ACSS2: variants seen among roughly 807,000 people sequenced by gnomAD.
ACSS2 encodes the protein acetyl-coenzyme A synthetase, cytoplasmic.
In ACSS2, 58 loss-of-function variants were observed where a neutral mutation model predicts 90.6. The observed-to-expected ratio is 0.64, with a 90% CI of 0.52 to 0.80. The LOEUF is 0.80. ACSS2 is among the 30% of genes least tolerant of loss of function. ACSS2 has a pLI of 0.00. For synonymous variants in ACSS2, 300 were observed against 330.9 expected (o/e 0.91, Z 1.01); for missense variants, 759 against 912.0 (o/e 0.83, Z 2.16).
At position 34,919,697 on chromosome 20, in the gene ACSS2, G is replaced by A. The variant is rs1186774089; in HGVS notation, c.972+125G>A. ...TTTTTTCCTACAACCCTGAGTTTTG[G>A]AAATGTAGCATTGTCTTTTCTAAAT... On this transcript the variant is annotated intron_variant, in intron 8 of 17. Coordinates refer to ENST00000360596, the MANE Select transcript of ACSS2 (RefSeq NM_018677.4). The A allele has an allele frequency of 6.7e-6, 9 of 1,352,326 alleles. No homozygotes were observed. The South Asian group carries it at 7.1e-5, about 11-fold the overall frequency. 83.8% of individuals were successfully genotyped at this position (1,352,326 alleles called of 1,614,324 possible).
intron 2 of ACSS2, among the ~76,000 whole-genome samples, chr20:34,888,067 C>CAAAAAAAAAAAAAA (rs34578238): frequency 1.6e-5 from 1 of 62,516 alleles, no homozygotes; most frequent in Non-Finnish European, 2.8e-5. Flanking sequence ...AAGACTCCAT[C>CAAAAAAAAAAAAAA]AAAAAAAAAA....
intron 7 of ACSS2, among the ~76,000 whole-genome samples, 158 bp downstream of exon 7, chr20:34,914,595 G>A (rs2081040087): frequency 6.6e-6 from 1 of 152,196 alleles, no homozygotes; most frequent in Admixed American, 6.5e-5. Flanking sequence ...GTGGGAACTG[G>A]AAGACTTTGA....
chr20:34,911,028 C>T (rs368865673), intron 2 of ACSS2, among the ~76,000 whole-genome samples: 30 of 151,668 alleles, frequency 2.0e-4, no homozygotes, highest in Middle Eastern at 6.8e-3. Flanking sequence ...TGAGGTTTTG[C>T]TGTGTTGCTC....
chr20:34,898,983 C>G (rs554840940), intron 2 of ACSS2, among the ~76,000 whole-genome samples: 1 of 152,230 alleles, frequency 6.6e-6, no homozygotes, highest in Non-Finnish European at 1.5e-5. Flanking sequence ...AGAAATGGAG[C>G]GCAGTGCTGG....
intron 2 of ACSS2, among the ~76,000 whole-genome samples, chr20:34,897,747 T>C (rs2080500471): frequency 6.6e-6 from 1 of 152,030 alleles, no homozygotes; most frequent in African/African-American, 2.4e-5. Context: ...GAGAATTGCT[T>C]GAACCCAGGA....
chr20:34,886,206 CTTCTT>C (rs1300238364), intron 2 of ACSS2, among the ~76,000 whole-genome samples: 3 of 152,022 alleles, frequency 2.0e-5, no homozygotes, highest in Admixed American at 6.5e-5. Context: ...TTCCTTCTCT[CTTCTT>C]CTCAATATAA....
chr20:34,927,273 GC>G lies in ACSS2; in HGVS notation c.*64del, dbSNP rs139905753. The G allele has an allele frequency of 1.8e-3, 2,921 of 1,602,072 alleles. 44 individuals carry two copies. In the African/African-American group the frequency reaches 0.032, roughly 17 times the overall value. ...GCTCCAAACTTTGCCCATCCTCTTT[GC>G]CCCCTCAGGAGTGCTGAGGGCCAGT... On this transcript the variant is annotated 3_prime_UTR_variant, in exon 18 of 18. Coordinates refer to ENST00000360596, the MANE Select transcript of ACSS2 (RefSeq NM_018677.4). The surrounding 1 kb of genome is among the most constrained non-coding windows in gnomAD (Gnocchi z 4.2).
intron 1 of ACSS2, among the ~76,000 whole-genome samples, chr20:34,879,944 T>A (rs1215680765): frequency 6.6e-6 from 1 of 152,230 alleles, no homozygotes; most frequent in African/African-American, 2.4e-5. Context: ...GGATAATTAA[T>A]GTATACTTTG....
intron 2 of ACSS2, among the ~76,000 whole-genome samples, chr20:34,910,019 A>ATTT (rs11482260): frequency 8.7e-5 from 12 of 138,018 alleles, no homozygotes; most frequent in South Asian, 2.4e-4. Flanking sequence ...GCCTGGCCAA[A>ATTT]TTTTTTTTTT....
chr20:34,903,736 G>A (rs1020477315), intron 2 of ACSS2, among the ~76,000 whole-genome samples: 1 of 151,654 alleles, frequency 6.6e-6, no homozygotes, highest in African/African-American at 2.4e-5. Flanking sequence ...AATGACTATC[G>A]TTCTCATATA....
chr20:34,888,067 CA>C (rs34578238), intron 2 of ACSS2, among the ~76,000 whole-genome samples: 196 of 62,502 alleles, frequency 3.1e-3, no homozygotes, highest in Middle Eastern at 0.019. Context: ...AAGACTCCAT[CA>C]AAAAAAAAAA....
At chr20:34,909,033 C>T in intron 2 of ACSS2, 2 of 395,586 alleles carry the variant, frequency 5.1e-6, no homozygotes, top group Non-Finnish European at 9.9e-6. Context: ...GAATATTTTG[C>T]AGCTGAGAAA....
intron 16 of ACSS2, 57 bp downstream of exon 16, chr20:34,926,338 C>T: frequency 6.4e-7 from 1 of 1,568,234 alleles, no homozygotes; most frequent in Non-Finnish European, 8.7e-7. Flanking sequence ...CCAGTTATCA[C>T]TGCAAGTTGT....
intron 2 of ACSS2, among the ~76,000 whole-genome samples, chr20:34,909,891 A>G (rs2080907124): frequency 6.6e-6 from 1 of 151,436 alleles, no homozygotes; most frequent in South Asian, 2.1e-4. Context: ...TAATTTTTGT[A>G]TTTTTAGTAG....
At chr20:34,914,568 T>A in intron 7 of ACSS2, 131 bp downstream of exon 7, 2 of 790,810 alleles carry the variant, frequency 2.5e-6, no homozygotes, top group Non-Finnish European at 2.0e-6. Context: ...TAGGAATGCC[T>A]CCTCTAGCAG....
chr20:34,927,041 T>G lies in ACSS2; in HGVS notation c.1979-46T>G. ...ATGAAAGCCTTTGGCAGGGCTAGGG[T>G]GGGTCAGTGCTTTCACCAAGTAACT... On this transcript the variant is annotated intron_variant, in intron 17 of 17. Coordinates refer to ENST00000360596, the MANE Select transcript of ACSS2 (RefSeq NM_018677.4). This position sits in a 1 kb window ranked among gnomAD's most constrained non-coding sequence, Gnocchi z 4.2. The G allele has an allele frequency of 6.2e-7, 1 of 1,613,850 alleles. No homozygotes were observed. The highest frequency in any genetic ancestry group is 1.1e-5 in the South Asian group (1 of 91,056).
chr20:34,877,818 C>CAAAAAAAAA (rs60819156), intron 1 of ACSS2, among the ~76,000 whole-genome samples: 7 of 91,222 alleles, frequency 7.7e-5, no homozygotes, highest in Admixed American at 3.0e-4. Context: ...GACTTTGTCT[C>CAAAAAAAAA]AAAAAAAAAA....
At chr20:34,887,475 C>G (rs1425314389) in intron 2 of ACSS2, among the ~76,000 whole-genome samples, 2 of 152,230 alleles carry the variant, frequency 1.3e-5, no homozygotes, top group Admixed American at 6.5e-5. Context: ...CACAATGGCT[C>G]ATGCCTGTAA....
intron 2 of ACSS2, among the ~76,000 whole-genome samples, chr20:34,911,778 T>TC (rs2080965739): frequency 2.0e-5 from 3 of 152,238 alleles, no homozygotes; most frequent in Non-Finnish European, 4.4e-5. Flanking sequence ...AGCTCCATGA[T>TC]ATCAGGTATC....
Sources: allele counts gnomAD v4.1 joint callset (sites outside exome capture counted in the v4.1 genomes callset), GRCh38; gene constraint gnomAD v4.1.1; non-coding constraint Gnocchi (gnomAD v3.1); transcripts MANE v1.5; gene names NCBI Gene and HGNC (gene_info 2026-07-23, HGNC 2026-07-21).